The following NUP210L variants were observed in gnomAD, a reference collection of about 807,000 sequenced individuals.
NUP210L encodes the protein nuclear pore membrane glycoprotein 210-like.
In NUP210L, 74 loss-of-function variants were observed where a neutral mutation model predicts 208.5. That is an observed-to-expected ratio of 0.35 (90% CI 0.29 to 0.43). The LOEUF (loss-of-function observed/expected upper bound fraction) is 0.43. NUP210L is among the 20% of genes least tolerant of loss of function. The pLI is 1.00. For synonymous variants in NUP210L, 780 were observed against 816.9 expected, an observed-to-expected ratio of 0.95 and a Z score of 0.77; for missense variants, 1,843 against 2,289.4, an observed-to-expected ratio of 0.81 and a Z score of 3.98.
chr1:154,106,038 A>T (rs931549177), intron 12 of NUP210L, among the ~76,000 whole-genome samples: 2 of 152,100 alleles, frequency 1.3e-5, no homozygotes, highest in African/African-American at 2.4e-5. Flanking sequence ...AGATGGGTGG[A>T]TCACTTGAGG....
At chr1:154,084,712 A>T (rs1386243356) in intron 16 of NUP210L, among the ~76,000 whole-genome samples, 1 of 151,214 alleles carries the variant, frequency 6.6e-6, no homozygotes, top group African/African-American at 2.4e-5. Context: ...GGCTCAAGTG[A>T]TCCACCTGCC....
chr1:154,030,864 C>G (rs1215643417), intron 27 of NUP210L, among the ~76,000 whole-genome samples: 2 of 151,874 alleles, frequency 1.3e-5, no homozygotes, highest in African/African-American at 4.8e-5. Flanking sequence ...CTCAAGTAGC[C>G]GGGACCACAA....
intron 7 of NUP210L, 62 bp downstream of exon 7, chr1:154,135,752 G>A: frequency 7.1e-7 from 1 of 1,417,998 alleles, no homozygotes; most frequent in Non-Finnish European, 9.9e-7. Flanking sequence ...TTTTACCAAA[G>A]AACATGTCTA....
chr1:154,101,038 G>A (rs576082922), intron 13 of NUP210L, among the ~76,000 whole-genome samples: 4 of 151,280 alleles, frequency 2.6e-5, no homozygotes, highest in East Asian at 2.0e-4. Flanking sequence ...CAGGTGTGGC[G>A]GTGCATACCT....
chr1:154,129,551 T>C (rs1658143843), intron 7 of NUP210L, among the ~76,000 whole-genome samples: 1 of 152,238 alleles, frequency 6.6e-6, no homozygotes, highest in Non-Finnish European at 1.5e-5. Context: ...GAGTCAGATA[T>C]TCTTGAATTT....
At position 154,025,618 on chromosome 1, in the gene NUP210L, A is replaced by G. The variant is rs750933205; in HGVS notation, c.4046T>C (p.Ile1349Thr). The G allele has an allele frequency of 6.8e-6, 11 of 1,613,914 alleles. No individual in the cohort carries two copies. The South Asian group carries it at 8.8e-5, about 13-fold the overall frequency. ...GACTTCCAATACAGCAGTACCTGCA[A>G]TGGAACCAGCTTTCAGGAGCCCTTC... The change falls in exon 30 of 40, where the codon ATT (isoleucine) becomes ACT (threonine). Residue 1349 changes from isoleucine (I) to threonine (T), a missense_variant. Coordinates refer to ENST00000368559, the Ensembl canonical transcript of NUP210L.
At chr1:154,017,737 C>T (rs1197877092) in intron 33 of NUP210L, among the ~76,000 whole-genome samples, 3 of 151,694 alleles carry the variant, frequency 2.0e-5, no homozygotes, top group Non-Finnish European at 4.4e-5. Context: ...GGCTGGGTCT[C>T]GAACTTCTGA....
At chr1:154,053,190 T>C (rs58289586) in intron 25 of NUP210L, among the ~76,000 whole-genome samples, 39,548 of 152,140 alleles carry the variant, frequency 0.26, 5,618 homozygotes, top group Admixed American at 0.37. Context: ...GACCTTAATG[T>C]CAGGAACTGG....
At chr1:154,094,377 G>A (rs1402165812) in intron 15 of NUP210L, among the ~76,000 whole-genome samples, 1 of 152,148 alleles carries the variant, frequency 6.6e-6, no homozygotes, top group Non-Finnish European at 1.5e-5. Context: ...AGAATTGCTT[G>A]AACCCAGGAG....
intron 10 of NUP210L, among the ~76,000 whole-genome samples, chr1:154,121,948 T>C (rs1040793193): frequency 2.7e-5 from 4 of 150,918 alleles, no homozygotes; most frequent in African/African-American, 4.9e-5. Context: ...TACAAAAGCA[T>C]AAATGAATGA....
At chr1:154,112,807 G>A (rs1657105750) in intron 12 of NUP210L, among the ~76,000 whole-genome samples, 1 of 151,438 alleles carries the variant, frequency 6.6e-6, no homozygotes, top group Non-Finnish European at 1.5e-5. Context: ...AGTGAGCTGA[G>A]GTTGCATCAC....
chr1:154,109,363 A>C (rs1456414329), intron 12 of NUP210L, among the ~76,000 whole-genome samples: 2 of 151,744 alleles, frequency 1.3e-5, no homozygotes, highest in African/African-American at 4.9e-5. Context: ...ATATATATAC[A>C]CCCAATACTG....
At chr1:154,128,500 G>A (rs1332238229) in intron 8 of NUP210L, among the ~76,000 whole-genome samples, 1 of 151,496 alleles carries the variant, frequency 6.6e-6, no homozygotes, top group African/African-American at 2.4e-5. Flanking sequence ...AGAAAAAATT[G>A]TATAATAATT....
At chr1:154,099,673 A>C (rs1656363467) in intron 14 of NUP210L, among the ~76,000 whole-genome samples, 1 of 152,248 alleles carries the variant, frequency 6.6e-6, no homozygotes, top group Non-Finnish European at 1.5e-5. Context: ...ACATGTAAAA[A>C]TTCAGATAGC....
intron 10 of NUP210L, among the ~76,000 whole-genome samples, 164 bp from the exon 11 acceptor site, chr1:154,118,972 T>C (rs1434740838): frequency 2.6e-5 from 4 of 152,118 alleles, no homozygotes; most frequent in Admixed American, 2.6e-4. Flanking sequence ...TAAATAAGCA[T>C]AGTTGCTATG....
rs375016355 is a variant in NUP210L at position 154,154,834 on chromosome 1, C to G, written c.203+8G>C. The G allele has an allele frequency of 1.5e-4, 249 of 1,610,412 alleles. No homozygotes were observed. The African/African-American group carries it at 2.9e-3, about 19-fold the overall frequency. ...GGGTGCATATCCTTGTCACCCACCA[C>G]CCCTCACCAAGTGTAGCAGCCCCGC... On this transcript the variant is annotated splice_region_variant and intron_variant, in intron 1 of 39. Coordinates refer to ENST00000368559, the Ensembl canonical transcript of NUP210L.
intron 7 of NUP210L, among the ~76,000 whole-genome samples, chr1:154,134,860 C>T (rs1658451918): frequency 1.3e-5 from 2 of 151,746 alleles, no homozygotes; most frequent in South Asian, 4.2e-4. Flanking sequence ...GCCTCAGCCT[C>T]CCGAGTAGCT....
At chr1:154,119,793 C>T (rs184888160) in intron 10 of NUP210L, among the ~76,000 whole-genome samples, 18 of 152,192 alleles carry the variant, frequency 1.2e-4, no homozygotes, top group Admixed American at 9.8e-4. Flanking sequence ...CAGTCTATCA[C>T]TAATGGACAT....
intron 10 of NUP210L, among the ~76,000 whole-genome samples, chr1:154,124,973 C>T (rs971264268): frequency 3.3e-5 from 5 of 151,226 alleles, no homozygotes; most frequent in East Asian, 2.0e-4. Flanking sequence ...AAATAAAGTA[C>T]GCTCTGTGGA....
Sources: allele counts gnomAD v4.1 joint callset (sites outside exome capture counted in the v4.1 genomes callset), GRCh38; gene constraint gnomAD v4.1.1; transcripts MANE v1.5; gene names NCBI Gene and HGNC (gene_info 2026-07-23, HGNC 2026-07-21).